Variants in DEPDC5 observed in about 807,000 individuals in gnomAD.
DEPDC5 encodes the protein DEP domain containing 5, GATOR1 subcomplex subunit.
Under a neutral mutation model 217.3 loss-of-function variants are expected in DEPDC5, and 73 were observed. The ratio of observed to expected loss-of-function variants is 0.34; its 90% CI spans 0.28 to 0.41. The LOEUF is 0.41. DEPDC5 is among the 10% of genes least tolerant of loss of function. The probability of loss-of-function intolerance (pLI) is 1.00; values close to 1 mark genes in which losing one functional copy is unlikely to be tolerated. For missense variants in DEPDC5, 1,675 were observed against 2,070.1 expected (o/e 0.81, Z 3.70); for synonymous variants, 733 against 756.7 (o/e 0.97, Z 0.51).
chr22:31,832,634 G>C (rs1208946759), intron 24 of DEPDC5, among the ~76,000 whole-genome samples: 1 of 152,116 alleles, frequency 6.6e-6, no homozygotes, highest in Admixed American at 6.5e-5. Context: ...GTGAACACAG[G>C]TGCATGCCAC....
intron 3 of DEPDC5, 148 bp downstream of exon 3, chr22:31,758,781 G>A: frequency 2.7e-6 from 2 of 742,526 alleles, no homozygotes; most frequent in Non-Finnish European, 4.5e-6. Flanking sequence ...GAGGTGGGTA[G>A]GTCATTTGAG....
At position 31,906,826 on chromosome 22, in the gene DEPDC5, G is replaced by A. The variant is rs922782085; in HGVS notation, c.*329G>A. ...GCAGGCGGCCCCCATGAATGTCCTC[G>A]GAAGGGGGTGGCTCCTGGTAGCATC... On this transcript the variant is annotated 3_prime_UTR_variant, in exon 43 of 43. Transcript: ENST00000651528. The surrounding 1 kb of genome is among the most constrained non-coding windows in gnomAD (Gnocchi z 5.1). 2 of 432,950 alleles carry A rather than the reference G, an allele frequency of 4.6e-6. No homozygotes were observed. Among genetic ancestry groups the A allele is most frequent in the African/African-American group, 2.0e-5 (1 of 50,694 alleles). 26.8% of individuals were successfully genotyped at this position (432,950 alleles called of 1,614,324 possible). A position where few individuals can be genotyped will look rare whatever the true frequency, so the allele number is the denominator to read the frequency against.
Position 31,798,532 on chromosome 22 carries a change from A to C in DEPDC5, c.872-50A>C, listed in dbSNP as rs777501210. ...GGCTTCGTTTAAAATTAAAAAAAAA[A>C]GTTCATGTTTCATGAGATGTTTTTC... is the stretch of plus-strand genomic sequence containing the variant. On this transcript the variant is annotated intron_variant, in intron 13 of 42. Coordinates refer to ENST00000651528, the MANE Select transcript of DEPDC5 (RefSeq NM_001242896.3). 36 of 1,525,618 alleles carry C rather than the reference A, an allele frequency of 2.4e-5. No homozygotes were observed. In the Admixed American group the frequency reaches 6.4e-4, roughly 27 times the overall value. 94.5% of individuals were successfully genotyped at this position (1,525,618 alleles called of 1,614,324 possible). A position where few individuals can be genotyped will look rare whatever the true frequency, so the allele number is the denominator to read the frequency against.
intron 41 of DEPDC5, among the ~76,000 whole-genome samples, chr22:31,902,408 T>TATATATATATATATATA (rs2093663741): frequency 5.4e-4 from 60 of 111,922 alleles, no homozygotes; most frequent in Middle Eastern, 4.6e-3. Flanking sequence ...CATCTCCTTA[T>TATATATATATATATATA]TATATATATA....
chr22:31,778,238 A>G lies in DEPDC5; in HGVS notation c.483+70A>G, dbSNP rs980412104. The G allele has an allele frequency of 5.0e-5, 76 of 1,505,426 alleles. No homozygotes were observed. The Admixed American group carries it at 1.3e-3, about 25-fold the overall frequency. 93.3% of individuals were successfully genotyped at this position (1,505,426 alleles called of 1,614,324 possible). On this transcript the variant is annotated intron_variant, in intron 8 of 42. Transcript: ENST00000651528. ...TTATGGCTAAGTCCTAAAATCAAAA[A>G]TAAAACAAGGGCGGGGCAGGACACC...
At chr22:31,824,238 C>T (rs575217319) in intron 24 of DEPDC5, among the ~76,000 whole-genome samples, 4 of 152,026 alleles carry the variant, frequency 2.6e-5, no homozygotes, top group Admixed American at 2.6e-4. Flanking sequence ...CCAAGCTACT[C>T]GGGAGGTTGA....
intron 8 of DEPDC5, among the ~76,000 whole-genome samples, chr22:31,782,728 C>G (rs2084579023): frequency 6.6e-6 from 1 of 152,180 alleles, no homozygotes; most frequent in African/African-American, 2.4e-5. Context: ...ATTCACTGCC[C>G]TTTCTCCTGC....
At chr22:31,846,438 G>A (rs2091745147) in intron 30 of DEPDC5, among the ~76,000 whole-genome samples, 2 of 152,144 alleles carry the variant, frequency 1.3e-5, no homozygotes. Context: ...TTAGAAACGT[G>A]TCTGGGAGAG....
Position 31,792,831 on chromosome 22 carries a change from C to T in DEPDC5, c.767+14C>T, listed in dbSNP as rs965209112. 47 of 1,490,902 alleles carry T rather than the reference C, an allele frequency of 3.2e-5. No individual in the cohort carries two copies. Among genetic ancestry groups the T allele is most frequent in the Middle Eastern group, 3.5e-4 (2 of 5,664 alleles). The allele number at this position is 1,490,902 out of a possible 1,614,324, so 92.4% of individuals were successfully genotyped here. A position where few individuals can be genotyped will look rare whatever the true frequency, so the allele number is the denominator to read the frequency against. ...AGACTTTTACAAGTATGTTTGGGTGCTTTGCTATACTTTTTATTTATTTAT... is the reference window on the plus strand; with the variant it reads ...AGACTTTTACAAGTATGTTTGGGTGTTTTGCTATACTTTTTATTTATTTAT... On this transcript the variant is annotated intron_variant, in intron 12 of 42. Transcript: ENST00000651528.
chr22:31,907,950 C>T lies in DEPDC5; in HGVS notation c.*1453C>T, dbSNP rs1386104308. ...CTTCCTTTGTCTTTCTCTTAGATCC[C>T]CAGGAAAACCTTCTAATTTGTCTCT... On this transcript the variant is annotated 3_prime_UTR_variant, in exon 43 of 43. Coordinates refer to ENST00000651528, the MANE Select transcript of DEPDC5 (RefSeq NM_001242896.3). The T allele has an allele frequency of 6.6e-6, 1 of 152,240 alleles. No individual in the cohort carries two copies. Among genetic ancestry groups the T allele is most frequent in the Non-Finnish European group, 1.5e-5 (1 of 68,058 alleles). 9.4% of individuals were successfully genotyped at this position (152,240 alleles called of 1,614,324 possible).
chr22:31,792,358 G>A (rs906700170), intron 11 of DEPDC5, among the ~76,000 whole-genome samples: 1 of 151,866 alleles, frequency 6.6e-6, no homozygotes, highest in Non-Finnish European at 1.5e-5. Flanking sequence ...GTAATCCCAC[G>A]ACTTTGGGAG....
chr22:31,841,256 C>T (rs1301628589), intron 27 of DEPDC5, among the ~76,000 whole-genome samples: 2 of 152,218 alleles, frequency 1.3e-5, no homozygotes, highest in African/African-American at 4.8e-5. Flanking sequence ...TTGGCACCAT[C>T]GGGGAAATTT....
At chr22:31,887,248 G>A (rs1221672986) in intron 38 of DEPDC5, among the ~76,000 whole-genome samples, 3 of 151,532 alleles carry the variant, frequency 2.0e-5, no homozygotes, top group Non-Finnish European at 4.4e-5. Context: ...ATGAATCCCT[G>A]TCTCTACTAA....
chr22:31,839,192 C>T (rs1319499460), intron 27 of DEPDC5, among the ~76,000 whole-genome samples: 1 of 152,180 alleles, frequency 6.6e-6, no homozygotes. Flanking sequence ...CAGTACCTGG[C>T]ACACAGCAGA....
intron 31 of DEPDC5, among the ~76,000 whole-genome samples, chr22:31,856,448 A>G (rs743785): frequency 0.072 from 10,926 of 152,320 alleles, 478 homozygotes; most frequent in South Asian, 0.18. Flanking sequence ...TTAAGACTTC[A>G]GTGTGAGCCT....
intron 36 of DEPDC5, chr22:31,875,900 T>TGG: frequency 2.9e-6 from 1 of 340,442 alleles, no homozygotes; most frequent in Non-Finnish European, 5.4e-6. Flanking sequence ...CCCAAAGTGC[T>TGG]GGGGTTACAG....
rs1402455618 is a variant in DEPDC5 at position 31,878,981 on chromosome 22, C to T, written c.3806-544C>T. On this transcript the variant is annotated intron_variant, in intron 37 of 42. Transcript: ENST00000651528. ...GGCAGAGGTTGCAGTAAGCTGAGATCGTGCCATCGCACCACTCCAGCCTGG... is the reference window on the plus strand; with the variant it reads ...GGCAGAGGTTGCAGTAAGCTGAGATTGTGCCATCGCACCACTCCAGCCTGG... 2.1e-5 allele frequency among the ~76,000 whole-genome samples: 3 copies of T among 143,506 alleles called. No individual in the cohort carries two copies. In the East Asian group the frequency reaches 6.1e-4, roughly 29 times the overall value. The allele number at this position is 143,506 out of a possible 152,430, so 94.1% of individuals were successfully genotyped here.
chr22:31,786,069 C>T (rs1007056210), intron 10 of DEPDC5, among the ~76,000 whole-genome samples: 3 of 151,942 alleles, frequency 2.0e-5, no homozygotes, highest in African/African-American at 7.3e-5. Flanking sequence ...CCAGTCTGGC[C>T]AACGTCATGA....
intron 26 of DEPDC5, 104 bp downstream of exon 26, chr22:31,837,259 A>T (rs1424692506): frequency 1.6e-6 from 2 of 1,266,326 alleles, no homozygotes; most frequent in East Asian, 2.4e-5. Flanking sequence ...AGCAACACAT[A>T]TATTAAAATT....
Sources: gnomAD v4.1 joint callset for allele counts (sites outside exome capture counted in the v4.1 genomes callset) on GRCh38, gnomAD v4.1.1 for gene constraint, Gnocchi (gnomAD v3.1) non-coding constraint, MANE v1.5 for transcripts, NCBI Gene and HGNC (gene_info 2026-07-23, HGNC 2026-07-21) for gene names.